Variants in CLSTN2 observed in about 807,000 individuals in gnomAD.
The protein encoded by CLSTN2 is calsyntenin-2.
A neutral mutation model predicts 101.2 loss-of-function variants in CLSTN2; 48 were observed. The observed-to-expected ratio is 0.47, with a 90% CI of 0.38 to 0.60. The LOEUF (loss-of-function observed/expected upper bound fraction) is 0.60. CLSTN2 is among the 20% of genes least tolerant of loss of function. The pLI is 0.00. For synonymous variants in CLSTN2, 481 were observed against 463.6 expected (o/e 1.04, Z -0.48); for missense variants, 1,160 against 1,238.2 (o/e 0.94, Z 0.95).
chr3:140,542,852 C>G (rs1337124304), intron 9 of CLSTN2, among the ~76,000 whole-genome samples: 1 of 152,146 alleles, frequency 6.6e-6, no homozygotes, highest in Non-Finnish European at 1.5e-5. Context: ...AAGATAGATC[C>G]TAATGGGCTT....
chr3:140,418,490 GTTCTTTCTTTCT>G (rs368168635), intron 4 of CLSTN2, among the ~76,000 whole-genome samples: 1 of 128,776 alleles, frequency 7.8e-6, no homozygotes, highest in African/African-American at 3.5e-5. Flanking sequence ...GATTATTCTA[GTTCTTTCTTTCT>G]TTCTTTCTTT....
intron 1 of CLSTN2, among the ~76,000 whole-genome samples, chr3:140,043,592 T>C (rs1369983770): frequency 1.3e-5 from 2 of 152,126 alleles, no homozygotes; most frequent in African/African-American, 4.8e-5. Context: ...GACATTAAGA[T>C]CTTGCCCATG....
intron 1 of CLSTN2, among the ~76,000 whole-genome samples, chr3:140,125,509 T>C (rs1177059318): frequency 6.6e-6 from 1 of 152,098 alleles, no homozygotes; most frequent in Non-Finnish European, 1.5e-5. Flanking sequence ...AGGTGGCTCC[T>C]TGATTTCCTC....
intron 2 of CLSTN2, among the ~76,000 whole-genome samples, chr3:140,293,817 C>T (rs916349773): frequency 6.6e-6 from 1 of 152,212 alleles, no homozygotes; most frequent in African/African-American, 2.4e-5. Flanking sequence ...CCCTGACTGG[C>T]TGTTTTCTGG....
At position 140,412,002 on chromosome 3, in the gene CLSTN2, C is replaced by A. The variant is rs558787518; in HGVS notation, c.637+7236C>A. 2.6e-5 allele frequency among the ~76,000 whole-genome samples: 4 copies of A among 152,178 alleles called. No individual in the cohort carries two copies. In the East Asian group the frequency reaches 7.7e-4, roughly 29 times the overall value. The stretch of plus-strand genomic sequence containing the variant: ...AAGCATTAATTAAACAGATTTTCCA[C>A]GGGGAGATTTGTTTTTGTTTTTGTT... On this transcript the variant is annotated intron_variant, in intron 4 of 16. Transcript: ENST00000458420.
At chr3:140,434,178 C>A (rs1436232413) in intron 5 of CLSTN2, among the ~76,000 whole-genome samples, 1 of 152,158 alleles carries the variant, frequency 6.6e-6, no homozygotes, top group African/African-American at 2.4e-5. Flanking sequence ...AGAACAGTGC[C>A]CCCTTCTCCC....
intron 5 of CLSTN2, among the ~76,000 whole-genome samples, chr3:140,436,891 G>A (rs2088693259): frequency 1.3e-5 from 2 of 152,134 alleles, no homozygotes; most frequent in Non-Finnish European, 2.9e-5. Context: ...GGCTCTGCTG[G>A]TGGACAGTGC....
chr3:140,378,250 G>A (rs1359301649), intron 2 of CLSTN2, among the ~76,000 whole-genome samples: 2 of 152,190 alleles, frequency 1.3e-5, no homozygotes, highest in Non-Finnish European at 2.9e-5. Context: ...CTCTCTCAAT[G>A]TATATAAATG....
intron 1 of CLSTN2, among the ~76,000 whole-genome samples, chr3:139,967,087 G>A (rs1197875365): frequency 6.6e-6 from 1 of 152,048 alleles, no homozygotes; most frequent in Non-Finnish European, 1.5e-5. Flanking sequence ...CCTGCTATAG[G>A]GCCTAGGCAG....
chr3:140,127,255 G>T (rs539784960), intron 1 of CLSTN2, among the ~76,000 whole-genome samples: 16 of 152,172 alleles, frequency 1.1e-4, no homozygotes, highest in African/African-American at 3.6e-4. Context: ...TTGACCCGGG[G>T]CAAATTGCTT....
chr3:140,054,013 G>A (rs965607400), intron 1 of CLSTN2, among the ~76,000 whole-genome samples: 1 of 152,196 alleles, frequency 6.6e-6, no homozygotes, highest in Non-Finnish European at 1.5e-5. Context: ...TCCTCGGGCA[G>A]CTACCATCTG....
chr3:140,429,874 G>T (rs142385307), intron 5 of CLSTN2, among the ~76,000 whole-genome samples: 2 of 152,082 alleles, frequency 1.3e-5, no homozygotes, highest in Admixed American at 6.6e-5. Flanking sequence ...GCAGTTGGGC[G>T]TGTCTGGGGC....
intron 8 of CLSTN2, among the ~76,000 whole-genome samples, chr3:140,485,735 G>T (rs1026156287): frequency 2.0e-5 from 3 of 152,120 alleles, no homozygotes; most frequent in African/African-American, 7.2e-5. Flanking sequence ...GAGGCTCCAT[G>T]GGCATAGGAC....
intron 2 of CLSTN2, among the ~76,000 whole-genome samples, chr3:140,203,465 T>G (rs1326889232): frequency 0.014 from 1,661 of 122,034 alleles, 52 homozygotes; most frequent in African/African-American, 0.069. Context: ...GTGTGGGTTT[T>G]TTTTTTTTTT....
chr3:140,516,550 A>G lies in CLSTN2; in HGVS notation c.1345-15774A>G, dbSNP rs200115729. 9.9e-4 allele frequency among the ~76,000 whole-genome samples: 141 copies of G among 142,864 alleles called. 1 individual carries two copies. The highest frequency in any genetic ancestry group is 9.7e-3 in the East Asian group (48 of 4,950). The allele number at this position is 142,864 out of a possible 152,430, so 93.7% of individuals were successfully genotyped here. A position where few individuals can be genotyped will look rare whatever the true frequency, so the allele number is the denominator to read the frequency against. ...ATTGGTAGTAGTGAATTCTTTTGGC[A>G]TTTTTTTTTTTCTTTTTGTCTGAAA... On this transcript the variant is annotated intron_variant, in intron 8 of 16. Transcript: ENST00000458420.
rs568980724 is a variant in CLSTN2 at position 140,150,149 on chromosome 3, A to C, written c.110-25802A>C. Among the ~76,000 whole-genome samples the C allele has an allele frequency of 9.9e-4, 151 of 152,302 alleles. 1 individual carries two copies. The highest frequency in any genetic ancestry group is 2.9e-4 in the Non-Finnish European group (20 of 68,032). ...CACTACTACTTCCTTTTGTCATCCT[A>C]GTTACTTTAAGTAAGCATAGGCACT... On this transcript the variant is annotated intron_variant, in intron 1 of 16. Coordinates refer to ENST00000458420, the MANE Select transcript of CLSTN2 (RefSeq NM_022131.3).
intron 2 of CLSTN2, among the ~76,000 whole-genome samples, chr3:140,396,379 T>C (rs1441885316): frequency 6.6e-6 from 1 of 152,204 alleles, no homozygotes; most frequent in African/African-American, 2.4e-5. Context: ...TTTCTGATGT[T>C]GAAATGATCT....
At chr3:140,373,540 T>C (rs77015548) in intron 2 of CLSTN2, among the ~76,000 whole-genome samples, 3,127 of 152,296 alleles carry the variant, frequency 0.021, 99 homozygotes, top group African/African-American at 0.07. Flanking sequence ...CCAGAACAAA[T>C]CTTTCTGTCC....
At chr3:140,472,374 T>G (rs1014958658) in intron 8 of CLSTN2, among the ~76,000 whole-genome samples, 3 of 152,208 alleles carry the variant, frequency 2.0e-5, no homozygotes, top group African/African-American at 7.2e-5. Flanking sequence ...GTTAGAATGA[T>G]GCAGAGTCAG....
Sources: allele counts gnomAD v4.1 joint callset (sites outside exome capture counted in the v4.1 genomes callset), GRCh38; gene constraint gnomAD v4.1.1; transcripts MANE v1.5; gene names NCBI Gene and HGNC (gene_info 2026-07-23, HGNC 2026-07-21).